Variants in UNC13A observed in about 807,000 individuals in gnomAD.
UNC13A encodes protein unc-13 homolog A.
UNC13A carries 61 observed loss-of-function variants against 219.7 expected under a neutral mutation model. That is an observed-to-expected ratio of 0.28 (90% CI 0.23 to 0.34). The LOEUF is 0.34. Ranked by LOEUF, UNC13A falls within the 10% of genes least tolerant of loss-of-function variation. The pLI is 1.00. For synonymous variants in UNC13A, 920 were observed against 884.6 expected, an observed-to-expected ratio of 1.04 and a Z score of -0.71; for missense variants, 1,476 against 2,270.3, an observed-to-expected ratio of 0.65 and a Z score of 7.11.
rs184644409 is a variant in UNC13A, at chr19:17,619,225, T to C, written c.4273-263A>G. 3.9e-5 allele frequency among the ~76,000 whole-genome samples: 6 copies of C among 152,130 alleles called. No individual in the cohort carries two copies. In the East Asian group the frequency reaches 1.2e-3, roughly 29 times the overall value. On this transcript the variant is annotated intron_variant, in intron 38 of 43. Coordinates refer to ENST00000519716, the MANE Select transcript of UNC13A (RefSeq NM_001080421.3). ...CAGGAGAAACAGACAGGGACCAGAC[T>C]GTGAGGGGCAGTGGGTTGGGGGAGC...
chr19:17,649,484 G>A lies in UNC13A; in HGVS notation c.1518+25C>T, dbSNP rs376972471. On this transcript the variant is annotated intron_variant, in intron 13 of 43. Coordinates refer to ENST00000519716, the MANE Select transcript of UNC13A (RefSeq NM_001080421.3). The surrounding 1 kb of genome is among the most constrained non-coding windows in gnomAD (Gnocchi z 4.4). Reference sequence around the variant, plus strand: ...GCTTATAGCAGGCCTGCTCTGCTCAGGGAGTAAAGGGCGAGGGTGCTTACC... The same window carrying A: ...GCTTATAGCAGGCCTGCTCTGCTCAAGGAGTAAAGGGCGAGGGTGCTTACC... 2 of 1,613,898 alleles carry A rather than the reference G, an allele frequency of 1.2e-6. No homozygotes were observed. Among genetic ancestry groups the A allele is most frequent in the Non-Finnish European group, 1.7e-6 (2 of 1,179,850 alleles).
At chr19:17,613,438 C>A (rs887641223) in intron 41 of UNC13A, among the ~76,000 whole-genome samples, 9 of 152,060 alleles carry the variant, frequency 5.9e-5, no homozygotes, top group African/African-American at 2.2e-4. Flanking sequence ...CCAAACTCTT[C>A]CATGGCTCCC....
Position 17,627,379 on chromosome 19 carries a change from G to T in UNC13A, c.3920+130C>A. ...CTAGTAAGCAGTAAAGCCAAGATTT[G>T]AACTCAGCCTTGTCTAACTCTGAGC... On this transcript the variant is annotated intron_variant, in intron 33 of 43. Transcript: ENST00000519716. The surrounding 1 kb of genome is among the most constrained non-coding windows in gnomAD (Gnocchi z 4.7). The T allele has an allele frequency of 1.4e-6, 1 of 703,112 alleles. No individual in the cohort carries two copies. The allele number at this position is 703,112 out of a possible 1,614,324, so 43.6% of individuals were successfully genotyped here. A position where few individuals can be genotyped will look rare whatever the true frequency, so the allele number is the denominator to read the frequency against.
intron 25 of UNC13A, 73 bp downstream of exon 25, chr19:17,639,010 A>G: frequency 6.8e-7 from 1 of 1,459,922 alleles, no homozygotes; most frequent in Non-Finnish European, 9.1e-7. Context: ...TCCCTCGGGA[A>G]GGGGCAGGGC....
rs2079299387 is a variant in UNC13A at position 17,649,246 on chromosome 19, C to T, written c.1524+93G>A. ...CAACACAGTGGGACATGGCAAGGTTCCCCCATAATCCATGAATTGGGGGCC... is the reference window on the plus strand; with the variant it reads ...CAACACAGTGGGACATGGCAAGGTTTCCCCATAATCCATGAATTGGGGGCC... On this transcript the variant is annotated intron_variant, in intron 14 of 43. Transcript: ENST00000519716. The surrounding 1 kb of genome is among the most constrained non-coding windows in gnomAD (Gnocchi z 4.4). 2 of 1,526,312 alleles carry T rather than the reference C, an allele frequency of 1.3e-6. No homozygotes were observed. Among genetic ancestry groups the T allele is most frequent in the African/African-American group, 1.4e-5 (1 of 72,928 alleles). 94.5% of individuals were successfully genotyped at this position (1,526,312 alleles called of 1,614,324 possible). A position where few individuals can be genotyped will look rare whatever the true frequency, so the allele number is the denominator to read the frequency against.
At chr19:17,628,301 A>ATTTTTT in intron 31 of UNC13A, 2 of 290,158 alleles carry the variant, frequency 6.9e-6, no homozygotes, top group Admixed American at 4.6e-5. Flanking sequence ...AGACAGTGAC[A>ATTTTTT]CACTGAAGGC....
intron 20 of UNC13A, among the ~76,000 whole-genome samples, chr19:17,641,775 T>C (rs1024486404): frequency 1.3e-5 from 2 of 151,948 alleles, no homozygotes; most frequent in Non-Finnish European, 1.5e-5. Context: ...CATCCATCCA[T>C]CCATCCATTC....
intron 3 of UNC13A, among the ~76,000 whole-genome samples, chr19:17,673,199 A>C (rs2079823259): frequency 6.7e-6 from 1 of 150,128 alleles, no homozygotes; most frequent in African/African-American, 2.5e-5. Flanking sequence ...CTCCACTAAA[A>C]ATACAAAATT....
intron 7 of UNC13A, among the ~76,000 whole-genome samples, chr19:17,665,060 C>T (rs528862027): frequency 1.7e-4 from 26 of 152,162 alleles, no homozygotes; most frequent in African/African-American, 4.8e-4. Context: ...ATTAGCTGGG[C>T]GTGGTGGCAT....
At chr19:17,615,530 T>C (rs992865374) in intron 41 of UNC13A, among the ~76,000 whole-genome samples, 2 of 152,044 alleles carry the variant, frequency 1.3e-5, no homozygotes, top group Middle Eastern at 3.4e-3. Flanking sequence ...AATACAAAAA[T>C]TAGCCAGGCG....
At chr19:17,659,784 A>C (rs1038394991) in intron 8 of UNC13A, among the ~76,000 whole-genome samples, 3 of 152,168 alleles carry the variant, frequency 2.0e-5, no homozygotes, top group Non-Finnish European at 4.4e-5. Context: ...AAAAAGAAAA[A>C]GTAGTCCATG....
chr19:17,640,694 G>C (rs1469235716), intron 21 of UNC13A, 33 bp from the exon 22 acceptor site: 47 of 1,544,180 alleles, frequency 3.0e-5, no homozygotes, highest in Non-Finnish European at 4.1e-5. Context: ...ACTAGGCCAG[G>C]GGTCCAGCCA....
chr19:17,672,171 C>G (rs1449145028), intron 4 of UNC13A, among the ~76,000 whole-genome samples: 1 of 152,144 alleles, frequency 6.6e-6, no homozygotes, highest in Non-Finnish European at 1.5e-5. Flanking sequence ...TTTGGGGCCA[C>G]AAGGTGGAAG....
At chr19:17,656,470 C>G (rs1031735040) in intron 9 of UNC13A, 72 bp from the exon 10 acceptor site, 6 of 1,385,946 alleles carry the variant, frequency 4.3e-6, no homozygotes, top group African/African-American at 2.9e-5. Flanking sequence ...GTCACACAGG[C>G]ATTGACTCAT....
chr19:17,630,503 G>T, intron 29 of UNC13A, 151 bp downstream of exon 29: 2 of 1,126,010 alleles, frequency 1.8e-6, no homozygotes, highest in Non-Finnish European at 2.6e-6. Flanking sequence ...ACATTTTGTA[G>T]TTGATGAATG....
At chr19:17,620,210 G>A (rs562156822) in intron 38 of UNC13A, among the ~76,000 whole-genome samples, 1 of 152,184 alleles carries the variant, frequency 6.6e-6, no homozygotes, top group East Asian at 1.9e-4. Context: ...AACAAGTCTT[G>A]TCTTACTGGG....
Position 17,674,680 on chromosome 19 carries a change from G to A in UNC13A, c.129C>T (p.Pro43=). 6.2e-7 allele frequency: 1 copy of A among 1,613,854 alleles called. No individual in the cohort carries two copies. The highest frequency in any genetic ancestry group is 8.5e-7 in the Non-Finnish European group (1 of 1,179,852). Residue 43 remains proline (P), a synonymous_variant, in exon 3 of 44, where the codon CCC becomes CCT. Coordinates refer to ENST00000519716, the MANE Select transcript of UNC13A (RefSeq NM_001080421.3). This position sits in a 1 kb window ranked among gnomAD's most constrained non-coding sequence, Gnocchi z 5.0. ...STTIAVRGSQ[P]SWEQDFMFEI... is the part of the protein sequence containing the mutation. ...ACAACATGAAATCCTGCTCCCAGCT[G>A]GGCTGGCTGCCCCGCACCGCGATGG...
chr19:17,647,584 G>A, intron 16 of UNC13A, 92 bp from the exon 17 acceptor site: 3 of 1,284,408 alleles, frequency 2.3e-6, no homozygotes, highest in Non-Finnish European at 3.2e-6. Flanking sequence ...CATCAACCGG[G>A]GGGACTCAGG....
intron 1 of UNC13A, among the ~76,000 whole-genome samples, chr19:17,679,753 C>A (rs1268858110): frequency 2.6e-5 from 4 of 152,192 alleles, no homozygotes; most frequent in African/African-American, 9.6e-5. Context: ...CCACTCTGGT[C>A]GTCTTCTTTT....
Sources: allele counts gnomAD v4.1 joint callset (sites outside exome capture counted in the v4.1 genomes callset), GRCh38; gene constraint gnomAD v4.1.1; non-coding constraint Gnocchi (gnomAD v3.1); transcripts MANE v1.5; gene names NCBI Gene and HGNC (gene_info 2026-07-23, HGNC 2026-07-21).